The following CDH6 variants were observed in gnomAD, a reference collection of about 807,000 sequenced individuals.
CDH6 encodes cadherin-6.
A neutral mutation model predicts 78.0 loss-of-function variants in CDH6; 31 were observed. The ratio of observed to expected loss-of-function variants is 0.40; its 90% CI spans 0.30 to 0.54. The LOEUF (loss-of-function observed/expected upper bound fraction) is 0.54. Among genes scored for constraint, CDH6 ranks in the 20% least tolerant of loss-of-function variants. The probability of loss-of-function intolerance (pLI) is 0.56; values close to 1 mark genes in which losing one functional copy is unlikely to be tolerated. For missense variants in CDH6, 724 were observed against 975.9 expected, an observed-to-expected ratio of 0.74 and a Z score of 3.44; for synonymous variants, 376 against 368.8, an observed-to-expected ratio of 1.02 and a Z score of -0.23.
chr5:31,230,219 C>T lies in CDH6; in HGVS notation c.-129+36333C>T, dbSNP rs1010229464. Among the ~76,000 whole-genome samples the T allele has an allele frequency of 1.1e-4, 16 of 152,306 alleles. No individual in the cohort carries two copies. In the South Asian group the frequency reaches 2.9e-3, roughly 28 times the overall value. On this transcript the variant is annotated intron_variant, in intron 1 of 11. Transcript: ENST00000265071. Reference sequence around the variant, plus strand: ...TCTCACTCAAGGTGATATTTAGGGTCTACCATTGCAAATTAAAAGATCAAC... The same window carrying T: ...TCTCACTCAAGGTGATATTTAGGGTTTACCATTGCAAATTAAAAGATCAAC...
rs185351199 is a variant in CDH6 at position 31,322,829 on chromosome 5, C to A, written c.1894C>A (p.Leu632Met). 6.2e-7 allele frequency: 1 copy of A among 1,611,826 alleles called. No individual in the cohort carries two copies. Among genetic ancestry groups the A allele is most frequent in the African/African-American group, 1.3e-5 (1 of 74,814 alleles). ...TTTTCTGCTTCCAGTGACAGTGGTG[C>A]TGTTTGCAGCTCTGAGGCGGCAGCG... ...CIVILLVTVVLFAALRRQRKK... is the reference protein window; with the variant it reads ...CIVILLVTVVMFAALRRQRKK... Residue 632 changes from leucine (L) to methionine (M), a missense_variant, in exon 12 of 12, where the codon CTG becomes ATG. Coordinates refer to ENST00000265071, the MANE Select transcript of CDH6 (RefSeq NM_004932.4).
chr5:31,290,316 T>C (rs1743122717), intron 2 of CDH6, among the ~76,000 whole-genome samples: 1 of 152,066 alleles, frequency 6.6e-6, no homozygotes, highest in Admixed American at 6.6e-5. Context: ...GACCAAGAGC[T>C]CCCTCTGGCA....
In CDH6 at chr5:31,243,444, A is replaced by C. The variant is rs575834302; in HGVS notation, c.-128-23902A>C. On this transcript the variant is annotated intron_variant, in intron 1 of 11. Coordinates refer to ENST00000265071, the MANE Select transcript of CDH6 (RefSeq NM_004932.4). ...GAATATTCAGCTCATCGGAATCTTC[A>C]GTGTTTCTGAAGATTTTAGTGAAAA... 3.3e-5 allele frequency among the ~76,000 whole-genome samples: 5 copies of C among 152,302 alleles called. 1 individual carries two copies. The East Asian group carries it at 9.7e-4, about 29-fold the overall frequency.
At chr5:31,290,601 A>G (rs1313964696) in intron 2 of CDH6, among the ~76,000 whole-genome samples, 1 of 152,204 alleles carries the variant, frequency 6.6e-6, no homozygotes, top group Non-Finnish European at 1.5e-5. Flanking sequence ...CTAAGTGCTC[A>G]ATAAACCCCT....
chr5:31,241,101 C>G (rs1354045798), intron 1 of CDH6, among the ~76,000 whole-genome samples: 1 of 152,202 alleles, frequency 6.6e-6, no homozygotes, highest in African/African-American at 2.4e-5. Flanking sequence ...GTTCTAACCC[C>G]TCATCATCAG....
In CDH6 at chr5:31,321,381, C is replaced by T. The variant is rs184012381; in HGVS notation, c.1883-1437C>T. ...GGAAATAGTCTATACTCCAAATCTG[C>T]TTCAAAACATGGCAATTATGAATGC... On this transcript the variant is annotated intron_variant, in intron 11 of 11. Transcript: ENST00000265071. 7.2e-3 allele frequency among the ~76,000 whole-genome samples: 1,091 copies of T among 152,294 alleles called. 7 individuals carry two copies. The highest frequency in any genetic ancestry group is 9.7e-3 in the Non-Finnish European group (657 of 68,014).
chr5:31,199,464 A>ATG (rs571404308), intron 1 of CDH6, among the ~76,000 whole-genome samples: 635 of 8,106 alleles, frequency 0.078, 3 homozygotes, highest in East Asian at 0.23. Flanking sequence ...ATGTGTATAT[A>ATG]TACACACACA....
rs13436581 is a variant in CDH6 at position 31,266,191 on chromosome 5, C to T, written c.-128-1155C>T. ...ATATAGGCATATATGGCTTTAATTG[C>T]ATAAACTAGTAAACCAATTTGGGAC... On this transcript the variant is annotated intron_variant, in intron 1 of 11. Transcript: ENST00000265071. 9.2e-3 allele frequency among the ~76,000 whole-genome samples: 1,402 copies of T among 152,046 alleles called. 23 individuals carry two copies. The highest frequency in any genetic ancestry group is 0.032 in the African/African-American group (1,323 of 41,506).
chr5:31,235,304 T>C (rs2111862921), intron 1 of CDH6, among the ~76,000 whole-genome samples: 1 of 151,366 alleles, frequency 6.6e-6, no homozygotes, highest in East Asian at 1.9e-4. Context: ...TCCATTTTTT[T>C]CAGTCAATCC....
chr5:31,215,647 T>C (rs991056014), intron 1 of CDH6, among the ~76,000 whole-genome samples: 1 of 152,120 alleles, frequency 6.6e-6, no homozygotes. Flanking sequence ...TTGCCACAGG[T>C]ATCCAGATGC....
intron 1 of CDH6, among the ~76,000 whole-genome samples, chr5:31,221,296 C>T (rs1172260806): frequency 2.0e-5 from 3 of 152,126 alleles, no homozygotes; most frequent in African/African-American, 7.2e-5. Context: ...TCCTTACATA[C>T]CAGTAGTGTT....
intron 1 of CDH6, among the ~76,000 whole-genome samples, chr5:31,242,165 C>T (rs1741620535): frequency 6.6e-6 from 1 of 152,194 alleles, no homozygotes; most frequent in Admixed American, 6.5e-5. Flanking sequence ...TCTTTTGCAT[C>T]ACGAAATCTT....
chr5:31,294,163 G>C lies in CDH6; in HGVS notation c.430G>C (p.Glu144Gln). Residue 144 changes from glutamate to glutamine, a missense_variant, in exon 3 of 12, where the codon GAA becomes CAA. Physicochemically the swap from Glu to Gln is conservative, Grantham distance 29. Around this residue, in one of 3 missense-constraint regions of CDH6, gnomAD observed 446 missense variants for 684.5 expected, o/e 0.65. Coordinates refer to ENST00000265071, the MANE Select transcript of CDH6 (RefSeq NM_004932.4). The surrounding 1 kb of genome is among the most constrained non-coding windows in gnomAD (Gnocchi z 4.1). Reference sequence around the variant, plus strand: ...AGGGAGACCCGTGGAGCCCGAGTCTGAATTCATCATCAAGATCCATGACAT... The same window carrying C: ...AGGGAGACCCGTGGAGCCCGAGTCTCAATTCATCATCAAGATCCATGACAT... ...RTGRPVEPES[E>Q]FIIKIHDIND... 1 of 1,613,874 alleles carries C rather than the reference G, an allele frequency of 6.2e-7. No individual in the cohort carries two copies. The highest frequency in any genetic ancestry group is 8.5e-7 in the Non-Finnish European group (1 of 1,179,928).
Position 31,326,020 on chromosome 5 carries a change from G to GT in CDH6, c.*2722dup, listed in dbSNP as rs77536260. On this transcript the variant is annotated 3_prime_UTR_variant, in exon 12 of 12. Transcript: ENST00000265071. ...AGGTCAAACATCATTGCATGCGCAGGTTTTTTTTTTAATTGCTAGGTCCCA... is the reference window on the plus strand; with the variant it reads ...AGGTCAAACATCATTGCATGCGCAGGTTTTTTTTTTTAATTGCTAGGTCCCA... 5.9e-3 allele frequency: 1,243 copies of GT among 211,320 alleles called. No homozygotes were observed. The highest frequency in any genetic ancestry group is 9.2e-3 in the Middle Eastern group (6 of 652). 13.1% of individuals were successfully genotyped at this position (211,320 alleles called of 1,614,324 possible). A position where few individuals can be genotyped will look rare whatever the true frequency, so the allele number is the denominator to read the frequency against.
At chr5:31,293,144 G>A (rs1737457041) in intron 2 of CDH6, among the ~76,000 whole-genome samples, 2 of 151,866 alleles carry the variant, frequency 1.3e-5, no homozygotes, top group Non-Finnish European at 2.9e-5. Flanking sequence ...CAGAGTCTCT[G>A]CTTGATTACC....
chr5:31,241,627 G>A (rs1343215113), intron 1 of CDH6, among the ~76,000 whole-genome samples: 2 of 152,196 alleles, frequency 1.3e-5, no homozygotes, highest in Non-Finnish European at 2.9e-5. Flanking sequence ...AGATACCCCT[G>A]CTCCATCTGT....
chr5:31,293,840 A>AG, intron 2 of CDH6, 122 bp from the exon 3 acceptor site: 1 of 576,224 alleles, frequency 1.7e-6, no homozygotes, highest in Admixed American at 3.6e-5. Flanking sequence ...TAAAAAAAAA[A>AG]AAACTTGTAT....
chr5:31,204,732 C>A (rs981502411), intron 1 of CDH6, among the ~76,000 whole-genome samples: 2 of 152,026 alleles, frequency 1.3e-5, no homozygotes, highest in Non-Finnish European at 2.9e-5. Context: ...AGATGAGAGC[C>A]AAACCTGTCC....
At chr5:31,263,007 A>G (rs1338564085) in intron 1 of CDH6, among the ~76,000 whole-genome samples, 1 of 151,888 alleles carries the variant, frequency 6.6e-6, no homozygotes, top group Non-Finnish European at 1.5e-5. Context: ...TTTTTTTCCC[A>G]TTTACGGTTT....
Sources: allele counts gnomAD v4.1 joint callset (sites outside exome capture counted in the v4.1 genomes callset), GRCh38; gene constraint gnomAD v4.1.1; regional missense constraint gnomAD v4.1.1; non-coding constraint Gnocchi (gnomAD v3.1); transcripts MANE v1.5; gene names NCBI Gene and HGNC (gene_info 2026-07-23, HGNC 2026-07-21).